Variants in SLX4IP observed in about 807,000 individuals in gnomAD.
SLX4IP encodes the protein SLX4 interacting protein, also known as protein SLX4IP.
SLX4IP carries 34 observed loss-of-function variants against 32.9 expected under a neutral mutation model. That is an observed-to-expected ratio of 1.03 (90% CI 0.79 to 1.38). The LOEUF (loss-of-function observed/expected upper bound fraction) is 1.38. Among genes scored for constraint, SLX4IP ranks in the 40% most tolerant of loss-of-function variants. The probability of loss-of-function intolerance (pLI) is 0.00; values close to 1 mark genes in which losing one functional copy is unlikely to be tolerated. For missense variants in SLX4IP, 444 were observed against 479.0 expected (o/e 0.93, Z 0.68); for synonymous variants, 172 against 171.7 (o/e 1.00, Z -0.01).
chr20:10,532,037 A>G lies in SLX4IP; in HGVS notation c.28-24194A>G, dbSNP rs114650201. 2.4e-3 allele frequency among the ~76,000 whole-genome samples: 366 copies of G among 152,274 alleles called. 1 individual carries two copies. The highest frequency in any genetic ancestry group is 8.3e-3 in the African/African-American group (344 of 41,554). On this transcript the variant is annotated intron_variant, in intron 2 of 7. Transcript: ENST00000334534. ...ATCACATCCCTGACATTGGTTTGCA[A>G]CTGCCAGCAGGAATTTGCCTTTTTC... is the stretch of plus-strand genomic sequence containing the variant.
intron 1 of SLX4IP, among the ~76,000 whole-genome samples, chr20:10,446,507 A>G (rs1293397288): frequency 1.8e-5 from 2 of 108,798 alleles, no homozygotes; most frequent in African/African-American, 5.9e-5. Flanking sequence ...TTCTGAGGAG[A>G]GCAATTTTTG....
intron 2 of SLX4IP, 58 bp from the exon 3 acceptor site, chr20:10,556,173 T>C: frequency 6.7e-7 from 1 of 1,499,086 alleles, no homozygotes. Flanking sequence ...AGATTTTCTC[T>C]CATTGTTTGC....
intron 2 of SLX4IP, among the ~76,000 whole-genome samples, chr20:10,510,893 C>T (rs1368097910): frequency 3.3e-5 from 5 of 152,192 alleles, no homozygotes; most frequent in African/African-American, 7.2e-5. Context: ...CGTGAGCCAT[C>T]GCACCCGGCG....
intron 2 of SLX4IP, among the ~76,000 whole-genome samples, chr20:10,497,989 C>A (rs1323602381): frequency 6.6e-6 from 1 of 151,758 alleles, no homozygotes; most frequent in Non-Finnish European, 1.5e-5. Flanking sequence ...AGTCATAGAG[C>A]ATATTATCAG....
chr20:10,445,888 A>G (rs1423035573), intron 1 of SLX4IP, among the ~76,000 whole-genome samples: 3 of 147,498 alleles, frequency 2.0e-5, no homozygotes, highest in South Asian at 4.3e-4. Flanking sequence ...GGCCTCTGAA[A>G]CTGCTGGGAT....
intron 4 of SLX4IP, among the ~76,000 whole-genome samples, chr20:10,583,611 G>T (rs2066610765): frequency 6.6e-6 from 1 of 152,158 alleles, no homozygotes; most frequent in Non-Finnish European, 1.5e-5. Flanking sequence ...TGAGCCACAG[G>T]CCTGATGAGG....
rs868711076 is a variant in SLX4IP at position 10,555,210 on chromosome 20, C to A, written c.28-1021C>A. ...AGGACAGAATTTAAAAAAAAAAAAA[C>A]AAAACTGTCCAGCCAAGGAAGTGAA... On this transcript the variant is annotated intron_variant, in intron 2 of 7. Coordinates refer to ENST00000334534, the MANE Select transcript of SLX4IP (RefSeq NM_001009608.3). Among the ~76,000 whole-genome samples, 979 of 149,096 alleles carry A rather than the reference C, an allele frequency of 6.6e-3. 8 individuals are homozygous for A. Among genetic ancestry groups the A allele is most frequent in the African/African-American group, 0.021 (848 of 40,688 alleles).
chr20:10,550,680 C>G (rs1178846175), intron 2 of SLX4IP, among the ~76,000 whole-genome samples: 1 of 152,200 alleles, frequency 6.6e-6, no homozygotes, highest in South Asian at 2.1e-4. Context: ...GCCTTCCTGC[C>G]CTATTGGCCC....
chr20:10,519,686 G>T (rs2065886989), intron 2 of SLX4IP, among the ~76,000 whole-genome samples: 1 of 152,220 alleles, frequency 6.6e-6, no homozygotes, highest in Non-Finnish European at 1.5e-5. Flanking sequence ...GCATGTTTGT[G>T]TAAAAGTTTT....
intron 2 of SLX4IP, among the ~76,000 whole-genome samples, chr20:10,475,181 G>A (rs550401719): frequency 5.8e-4 from 88 of 152,324 alleles, no homozygotes; most frequent in South Asian, 1.9e-3. Flanking sequence ...TGCTCCAGCC[G>A]ACAGCTCGGC....
At chr20:10,474,002 T>C (rs1301756301) in intron 2 of SLX4IP, among the ~76,000 whole-genome samples, 3 of 152,112 alleles carry the variant, frequency 2.0e-5, no homozygotes, top group African/African-American at 7.2e-5. Flanking sequence ...TTTGTATTTT[T>C]AGTAGAGATG....
intron 1 of SLX4IP, among the ~76,000 whole-genome samples, chr20:10,446,590 T>TGG (rs2065204488): frequency 6.6e-6 from 1 of 152,156 alleles, no homozygotes; most frequent in Non-Finnish European, 1.5e-5. Context: ...GTCCCACCAG[T>TGG]GATATATGAG....
chr20:10,611,830 C>T lies in SLX4IP; in HGVS notation c.406-9484C>T, dbSNP rs2066969944. On this transcript the variant is annotated intron_variant, in intron 6 of 7. Transcript: ENST00000334534. ...GAGAATATGTCAGTTGTCCAAATAT[C>T]ACAGTCAGGTAGTGACCAAGAGAGG... is the stretch of plus-strand genomic sequence containing the variant. Among the ~76,000 whole-genome samples, 4 of 152,198 alleles carry T rather than the reference C, an allele frequency of 2.6e-5. No individual in the cohort carries two copies. The South Asian group carries it at 8.3e-4, about 32-fold the overall frequency.
At chr20:10,609,189 C>T (rs2066939126) in intron 6 of SLX4IP, among the ~76,000 whole-genome samples, 1 of 152,164 alleles carries the variant, frequency 6.6e-6, no homozygotes, top group Non-Finnish European at 1.5e-5. Flanking sequence ...AACCCAGTCA[C>T]CTCTCTAAAG....
At chr20:10,613,745 C>T in intron 6 of SLX4IP, 1 of 1,613,694 alleles carries the variant, frequency 6.2e-7, no homozygotes, top group Non-Finnish European at 8.5e-7. Flanking sequence ...TATTCCTTAT[C>T]CTGGGTTCCT....
At chr20:10,480,573 T>C (rs671471) in intron 2 of SLX4IP, among the ~76,000 whole-genome samples, 70,208 of 152,052 alleles carry the variant, frequency 0.46, 16,643 homozygotes, top group Non-Finnish European at 0.53. Flanking sequence ...TAACTAAAAA[T>C]ATAAAACGTG....
chr20:10,509,315 C>T (rs1448779174), intron 2 of SLX4IP, among the ~76,000 whole-genome samples: 1 of 152,158 alleles, frequency 6.6e-6, no homozygotes, highest in African/African-American at 2.4e-5. Flanking sequence ...TATAGTTTTG[C>T]AGTTGAAGAA....
At chr20:10,495,884 T>G (rs67438213) in intron 2 of SLX4IP, among the ~76,000 whole-genome samples, 30,282 of 150,902 alleles carry the variant, frequency 0.2, 3,600 homozygotes, top group East Asian at 0.27. Context: ...AATAGCTGGG[T>G]TTTTTTTTGT....
At chr20:10,551,718 C>T (rs2066219767) in intron 2 of SLX4IP, among the ~76,000 whole-genome samples, 1 of 152,138 alleles carries the variant, frequency 6.6e-6, no homozygotes, top group Non-Finnish European at 1.5e-5. Context: ...CAGAGTTGAC[C>T]ACACTCCTGC....
Sources: gnomAD v4.1 joint callset for allele counts (sites outside exome capture counted in the v4.1 genomes callset) on GRCh38, gnomAD v4.1.1 for gene constraint, MANE v1.5 for transcripts, NCBI Gene and HGNC (gene_info 2026-07-23, HGNC 2026-07-21) for gene names.